Variants in ACTL8 observed in about 807,000 individuals in gnomAD.
ACTL8 encodes the protein actin-like protein 8.
In ACTL8, 3 loss-of-function variants were observed where a neutral mutation model predicts 9.3. The ratio of observed to expected loss-of-function variants is 0.32; its 90% CI spans 0.15 to 0.83. The LOEUF (loss-of-function observed/expected upper bound fraction) is 0.83, where lower values mean the gene tolerates loss of function less well. Among genes scored for constraint, ACTL8 ranks in the 40% least tolerant of loss-of-function variants. ACTL8 has a pLI of 0.57. For missense variants in ACTL8, 381 were observed against 492.2 expected, an observed-to-expected ratio of 0.77 and a Z score of 2.14; for synonymous variants, 224 against 205.9, an observed-to-expected ratio of 1.09 and a Z score of -0.75.
In ACTL8 at chr1:17,823,090, G is replaced by A. The variant is rs371868707; in HGVS notation, c.82G>A (p.Val28Ile). 12 of 1,614,088 alleles carry A rather than the reference G, an allele frequency of 7.4e-6. No homozygotes were observed. Among genetic ancestry groups the A allele is most frequent in the Non-Finnish European group, 1.0e-5 (12 of 1,180,054 alleles). Residue 28 changes from valine (V) to isoleucine (I), a missense_variant, in exon 2 of 3, where the codon GTC (valine) becomes ATC (isoleucine). Val to Ile is a conservative substitution (Grantham distance 29, BLOSUM62 3). Transcript: ENST00000375406. The surrounding 1 kb of genome is among the most constrained non-coding windows in gnomAD (Gnocchi z 5.3). ...GTAGWNEPQMVFPNIVNYLPC... is the reference protein window; with the variant it reads ...GTAGWNEPQMIFPNIVNYLPC... ...GGCCGGCTGGAATGAGCCTCAGATG[G>A]TCTTCCCGAACATCGTGAACTACCT... is the stretch of plus-strand genomic sequence containing the variant.
rs543107594 is a variant in ACTL8 at position 17,797,333 on chromosome 1, C to T, written c.-24-25652C>T. On this transcript the variant is annotated intron_variant, in intron 1 of 2. Transcript: ENST00000375406. ...GGTAGCTATTAGTCATAATTTAGGA[C>T]CTCTCTGTCCCTCCTATGAGACCAC... 4.6e-5 allele frequency among the ~76,000 whole-genome samples: 7 copies of T among 152,278 alleles called. No individual in the cohort carries two copies. In the East Asian group the frequency reaches 1.2e-3, roughly 25 times the overall value.
chr1:17,792,817 A>G (rs1290657622), intron 1 of ACTL8, among the ~76,000 whole-genome samples: 1 of 152,228 alleles, frequency 6.6e-6, no homozygotes, highest in Non-Finnish European at 1.5e-5. Context: ...ACCAAAGAGA[A>G]GGCAAGGACA....
At chr1:17,792,165 G>A (rs1237020987) in intron 1 of ACTL8, among the ~76,000 whole-genome samples, 2 of 152,228 alleles carry the variant, frequency 1.3e-5, no homozygotes, top group African/African-American at 2.4e-5. Context: ...TCAAGAAAGG[G>A]TGGACCAGGC....
intron 1 of ACTL8, among the ~76,000 whole-genome samples, chr1:17,800,206 T>G (rs34094709): frequency 0.16 from 24,987 of 152,168 alleles, 2,808 homozygotes; most frequent in African/African-American, 0.31. Flanking sequence ...CATGACAGTT[T>G]CCCTTTTGGG....
intron 2 of ACTL8, among the ~76,000 whole-genome samples, chr1:17,824,752 C>T (rs1224558539): frequency 6.6e-6 from 1 of 152,192 alleles, no homozygotes; most frequent in African/African-American, 2.4e-5. Flanking sequence ...TATCCCTTTA[C>T]AGAAAATGCT....
chr1:17,756,692 A>C (rs945105230), intron 1 of ACTL8, among the ~76,000 whole-genome samples: 6 of 151,964 alleles, frequency 3.9e-5, no homozygotes, highest in African/African-American at 1.5e-4. Flanking sequence ...CCATTTTGGG[A>C]GTGGTTTTCT....
chr1:17,806,723 TG>T (rs35611075), intron 1 of ACTL8, among the ~76,000 whole-genome samples: 1 of 152,206 alleles, frequency 6.6e-6, no homozygotes, highest in South Asian at 2.1e-4. Context: ...GGTTTTGGGA[TG>T]GGGTTTTGCC....
intron 1 of ACTL8, among the ~76,000 whole-genome samples, chr1:17,785,593 C>T (rs193070632): frequency 5.9e-5 from 9 of 152,348 alleles, no homozygotes; most frequent in African/African-American, 1.7e-4. Context: ...ACCCTCTCAT[C>T]CCACTGTGAC....
chr1:17,778,361 A>G (rs565147564), intron 1 of ACTL8, among the ~76,000 whole-genome samples: 1 of 151,796 alleles, frequency 6.6e-6, no homozygotes, highest in South Asian at 2.1e-4. Context: ...GTCTTTCAGG[A>G]TCCTGGGTGG....
At chr1:17,811,918 A>G (rs1294341224) in intron 1 of ACTL8, among the ~76,000 whole-genome samples, 1 of 148,898 alleles carries the variant, frequency 6.7e-6, no homozygotes, top group East Asian at 2.0e-4. Context: ...CCCAGGTTGG[A>G]GTGCAATGAT....
chr1:17,816,222 C>T (rs1429124419), intron 1 of ACTL8, among the ~76,000 whole-genome samples: 2 of 141,406 alleles, frequency 1.4e-5, no homozygotes, highest in African/African-American at 2.9e-5. Flanking sequence ...TTTTTGAGAC[C>T]AGGTTTTGCT....
At chr1:17,822,702 A>G (rs1303334691) in intron 1 of ACTL8, among the ~76,000 whole-genome samples, 1 of 152,126 alleles carries the variant, frequency 6.6e-6, no homozygotes, top group Non-Finnish European at 1.5e-5. Context: ...GTGCTCACCT[A>G]GCAGGATACA....
intron 1 of ACTL8, among the ~76,000 whole-genome samples, chr1:17,769,882 T>A (rs2066071928): frequency 6.6e-6 from 1 of 152,224 alleles, no homozygotes; most frequent in Non-Finnish European, 1.5e-5. Flanking sequence ...TTGAAATTTT[T>A]GAAAGATAGT....
intron 1 of ACTL8, among the ~76,000 whole-genome samples, chr1:17,781,623 C>T (rs1038613198): frequency 3.3e-5 from 5 of 152,184 alleles, no homozygotes; most frequent in African/African-American, 1.2e-4. Flanking sequence ...TAGCTAGTTA[C>T]ACCTACAAAG....
chr1:17,771,059 C>T (rs1203061487), intron 1 of ACTL8, among the ~76,000 whole-genome samples: 2 of 152,242 alleles, frequency 1.3e-5, no homozygotes, highest in South Asian at 2.1e-4. Context: ...ACTTGTAAAG[C>T]GTATAGAACA....
chr1:17,756,981 G>A (rs531058212), intron 1 of ACTL8, among the ~76,000 whole-genome samples: 3 of 152,182 alleles, frequency 2.0e-5, no homozygotes, highest in East Asian at 1.9e-4. Flanking sequence ...TAGGCAGGCC[G>A]GGCACAGGCA....
chr1:17,783,351 T>C (rs966360206), intron 1 of ACTL8, among the ~76,000 whole-genome samples: 1 of 130,210 alleles, frequency 7.7e-6, no homozygotes, highest in Non-Finnish European at 1.6e-5. Context: ...TTTTTTGTTT[T>C]GTTTTTTTTT....
At chr1:17,819,625 T>A (rs1417329955) in intron 1 of ACTL8, among the ~76,000 whole-genome samples, 1 of 152,232 alleles carries the variant, frequency 6.6e-6, no homozygotes, top group Non-Finnish European at 1.5e-5. Flanking sequence ...AACACCCACA[T>A]ACAGTCTAGG....
intron 1 of ACTL8, among the ~76,000 whole-genome samples, chr1:17,761,727 C>T (rs561110425): frequency 2.0e-5 from 3 of 152,212 alleles, no homozygotes; most frequent in East Asian, 1.9e-4. Context: ...CCCACCACCA[C>T]GCCCAGCTAA....
Sources: gnomAD v4.1 joint callset for allele counts (sites outside exome capture counted in the v4.1 genomes callset) on GRCh38, gnomAD v4.1.1 for gene constraint, Gnocchi (gnomAD v3.1) non-coding constraint, MANE v1.5 for transcripts, NCBI Gene and HGNC (gene_info 2026-07-23, HGNC 2026-07-21) for gene names.